The following LRGUK variants were observed in gnomAD, a reference collection of about 807,000 sequenced individuals.
LRGUK encodes the protein leucine rich repeats and guanylate kinase domain containing.
A neutral mutation model predicts 76.0 loss-of-function variants in LRGUK; 65 were observed. The observed-to-expected ratio is 0.85, with a 90% CI of 0.70 to 1.05. The LOEUF (loss-of-function observed/expected upper bound fraction) is 1.05. LRGUK is among the 50% of genes least tolerant of loss of function. LRGUK has a pLI of 0.00. For missense variants in LRGUK, 758 were observed against 732.8 expected (o/e 1.03, Z -0.40); for synonymous variants, 268 against 265.6 (o/e 1.01, Z -0.09).
At chr7:134,193,234 A>G (rs146134011) in intron 12 of LRGUK, among the ~76,000 whole-genome samples, 2 of 152,214 alleles carry the variant, frequency 1.3e-5, no homozygotes, top group African/African-American at 4.8e-5. Context: ...AGTTTAATTG[A>G]TTAAGAGTAC....
intron 16 of LRGUK, among the ~76,000 whole-genome samples, chr7:134,246,060 A>G (rs1802293076): frequency 6.6e-6 from 1 of 152,200 alleles, no homozygotes; most frequent in Non-Finnish European, 1.5e-5. Context: ...AGTATCCACC[A>G]GAGAGTGTGT....
At chr7:134,229,139 G>T (rs1801830096) in intron 16 of LRGUK, among the ~76,000 whole-genome samples, 1 of 152,118 alleles carries the variant, frequency 6.6e-6, no homozygotes, top group African/African-American at 2.4e-5. Flanking sequence ...ACTTTGGGAG[G>T]CTGAGATGAG....
chr7:134,189,786 A>G (rs1311088893), intron 11 of LRGUK, among the ~76,000 whole-genome samples: 3 of 152,240 alleles, frequency 2.0e-5, no homozygotes, highest in Admixed American at 6.5e-5. Flanking sequence ...AGAAATGCCA[A>G]TGTATTCAAA....
intron 12 of LRGUK, among the ~76,000 whole-genome samples, chr7:134,194,149 T>C (rs1363032705): frequency 2.6e-5 from 4 of 152,132 alleles, no homozygotes; most frequent in Non-Finnish European, 5.9e-5. Context: ...GAAACCAAAG[T>C]AGCATCACCA....
downstream of LRGUK, among the ~76,000 whole-genome samples, chr7:134,211,672 C>T (rs1256050802): frequency 6.6e-6 from 1 of 152,172 alleles, no homozygotes; most frequent in Non-Finnish European, 1.5e-5. Flanking sequence ...TAGCTCATGC[C>T]TTTATTATGC....
At chr7:134,157,436 A>G (rs1379805943) in intron 5 of LRGUK, among the ~76,000 whole-genome samples, 1 of 152,208 alleles carries the variant, frequency 6.6e-6, no homozygotes, top group Non-Finnish European at 1.5e-5. Context: ...ATCGAGGGAA[A>G]ACACACTGCC....
intron 9 of LRGUK, 29 bp from the exon 10 acceptor site, chr7:134,178,474 T>TC: frequency 6.5e-7 from 1 of 1,544,930 alleles, no homozygotes; most frequent in Non-Finnish European, 8.8e-7. Context: ...AAACTTTTTT[T>TC]CCCTTTTACA....
intron 6 of LRGUK, among the ~76,000 whole-genome samples, chr7:134,159,656 G>C (rs530341090): frequency 6.6e-6 from 1 of 152,148 alleles, no homozygotes. Flanking sequence ...AGGCGCGGTG[G>C]TGGTCCCCTG....
intron 1 of LRGUK, among the ~76,000 whole-genome samples, chr7:134,131,173 A>G (rs1366065886): frequency 6.6e-6 from 1 of 152,206 alleles, no homozygotes; most frequent in African/African-American, 2.4e-5. Context: ...GTCCCTTTAT[A>G]TGGGTAATAA....
At chr7:134,139,600 A>G in intron 3 of LRGUK, 83 bp downstream of exon 3, 1 of 819,486 alleles carries the variant, frequency 1.2e-6, no homozygotes, top group Non-Finnish European at 2.0e-6. Context: ...TAATAATGCC[A>G]GACTTGATAT....
chr7:134,247,086 T>C (rs1222589861), intron 16 of LRGUK, among the ~76,000 whole-genome samples: 1 of 152,222 alleles, frequency 6.6e-6, no homozygotes, highest in Non-Finnish European at 1.5e-5. Flanking sequence ...AGAATGATAG[T>C]GATATTTGTG....
chr7:134,143,024 A>C (rs373968182), intron 3 of LRGUK, 38 bp from the exon 4 acceptor site: 180 of 1,103,108 alleles, frequency 1.6e-4, no homozygotes, highest in Non-Finnish European at 2.4e-4. Flanking sequence ...TTGTTATTTT[A>C]TTGGCTTACC....
chr7:134,190,117 A>T (rs906046638), intron 11 of LRGUK, among the ~76,000 whole-genome samples: 5 of 152,244 alleles, frequency 3.3e-5, no homozygotes, highest in African/African-American at 1.2e-4. Flanking sequence ...TTGTAAAATA[A>T]AAATAAGAAA....
the LRGUK span, among the ~76,000 whole-genome samples, chr7:134,276,444 G>A: frequency 1.8e-3 from 267 of 152,246 alleles, 1 homozygote; most frequent in African/African-American, 5.7e-3. Context: ...GCTCGGTCAC[G>A]GAAGGACCGA....
chr7:134,270,174 T>C, the LRGUK span, among the ~76,000 whole-genome samples: 1 of 152,120 alleles, frequency 6.6e-6, no homozygotes, highest in African/African-American at 2.4e-5. Flanking sequence ...ATGATCTACA[T>C]AGAAAATTCC....
rs117061424 is a variant in LRGUK, at chr7:134,161,645, C to T, written c.796-1752C>T. On this transcript the variant is annotated intron_variant, in intron 6 of 15. Coordinates refer to ENST00000645682, the Ensembl canonical transcript of LRGUK. ...TCTTGCTATGAAATGTACCAGAAAACGTGTACCAGGGAAAATATAGAGGGA... is the reference window on the plus strand; with the variant it reads ...TCTTGCTATGAAATGTACCAGAAAATGTGTACCAGGGAAAATATAGAGGGA... 1.1e-4 allele frequency among the ~76,000 whole-genome samples: 17 copies of T among 150,216 alleles called. No individual in the cohort carries two copies. In the East Asian group the frequency reaches 3.1e-3, roughly 27 times the overall value.
At chr7:134,134,798 T>C (rs1262577658) in intron 1 of LRGUK, among the ~76,000 whole-genome samples, 1 of 152,246 alleles carries the variant, frequency 6.6e-6, no homozygotes, top group Non-Finnish European at 1.5e-5. Context: ...AACAGCCTGA[T>C]TGGCATAGGT....
At chr7:134,253,632 T>A (rs952663803) in intron 18 of LRGUK, among the ~76,000 whole-genome samples, 6 of 152,132 alleles carry the variant, frequency 3.9e-5, no homozygotes, top group Non-Finnish European at 4.4e-5. Context: ...CTGGCCAACA[T>A]GGCAAAAACC....
At chr7:134,256,447 G>A (rs1430830018) in intron 18 of LRGUK, among the ~76,000 whole-genome samples, 2 of 122,766 alleles carry the variant, frequency 1.6e-5, no homozygotes, top group African/African-American at 3.3e-5. Context: ...CAACAAGAGC[G>A]AAACTCTGTC....
Sources: allele counts gnomAD v4.1 joint callset (sites outside exome capture counted in the v4.1 genomes callset), GRCh38; gene constraint gnomAD v4.1.1; transcripts MANE v1.5; gene names NCBI Gene and HGNC (gene_info 2026-07-23, HGNC 2026-07-21).